BRINP3: variants seen among roughly 807,000 people sequenced by gnomAD.
BRINP3 encodes BMP/retinoic acid inducible neural specific 3.
In BRINP3, 19 loss-of-function variants were observed where a neutral mutation model predicts 71.0. The ratio of observed to expected loss-of-function variants is 0.27; its 90% CI spans 0.19 to 0.39. BRINP3 has a LOEUF of 0.39. Among genes scored for constraint, BRINP3 ranks in the 10% least tolerant of loss-of-function variants. The pLI is 1.00. For missense variants in BRINP3, 959 were observed against 940.8 expected, an observed-to-expected ratio of 1.02 and a Z score of -0.25; for synonymous variants, 380 against 337.7, an observed-to-expected ratio of 1.13 and a Z score of -1.37.
chr1:190,162,411 G>A (rs567959480), intron 6 of BRINP3, among the ~76,000 whole-genome samples: 1 of 151,944 alleles, frequency 6.6e-6, no homozygotes, highest in Non-Finnish European at 1.5e-5. Flanking sequence ...CCAAAGTGCT[G>A]GGATTACAGG....
chr1:190,445,550 A>G (rs560170455), intron 2 of BRINP3, among the ~76,000 whole-genome samples: 1 of 150,210 alleles, frequency 6.7e-6, no homozygotes, highest in Non-Finnish European at 1.5e-5. Flanking sequence ...ACGCATACAC[A>G]CACGCACGTG....
rs560805705 is a variant in BRINP3, at chr1:190,370,132, T to C, written c.236+84523A>G. On this transcript the variant is annotated intron_variant, in intron 2 of 7. Coordinates refer to ENST00000367462, the MANE Select transcript of BRINP3 (RefSeq NM_199051.3). The stretch of plus-strand genomic sequence containing the variant: ...TGATTCTAAATAGTTTTCATCCCCG[T>C]AACATTTTCACAATTGTCAAATTAA... Among the ~76,000 whole-genome samples, 24 of 152,264 alleles carry C rather than the reference T, an allele frequency of 1.6e-4. No individual in the cohort carries two copies. The South Asian group carries it at 5.0e-3, about 32-fold the overall frequency.
intron 2 of BRINP3, among the ~76,000 whole-genome samples, chr1:190,431,207 T>C (rs1032535241): frequency 6.6e-6 from 1 of 152,174 alleles, no homozygotes; most frequent in African/African-American, 2.4e-5. Flanking sequence ...ACATTTAGTA[T>C]GGCTATTGCT....
intron 6 of BRINP3, among the ~76,000 whole-genome samples, chr1:190,217,650 C>A (rs891611698): frequency 2.6e-5 from 4 of 152,096 alleles, no homozygotes; most frequent in African/African-American, 9.6e-5. Context: ...CAGCTAAATA[C>A]ATTTGACCAC....
chr1:190,183,474 C>T (rs761860233), intron 6 of BRINP3, among the ~76,000 whole-genome samples: 20 of 152,030 alleles, frequency 1.3e-4, no homozygotes, highest in Non-Finnish European at 2.9e-4. Flanking sequence ...GGCAGGTTAG[C>T]ATTGAAGTTT....
chr1:190,227,744 TTA>T (rs1657537065), intron 5 of BRINP3, among the ~76,000 whole-genome samples: 1 of 151,872 alleles, frequency 6.6e-6, no homozygotes, highest in East Asian at 1.9e-4. Context: ...AAAAGCTGGG[TTA>T]TATATTAATA....
intron 2 of BRINP3, among the ~76,000 whole-genome samples, chr1:190,323,331 C>A (rs1173284083): frequency 6.6e-6 from 1 of 151,750 alleles, no homozygotes; most frequent in Non-Finnish European, 1.5e-5. Flanking sequence ...TTTTCTCAGT[C>A]TCAAAAAATG....
intron 6 of BRINP3, among the ~76,000 whole-genome samples, chr1:190,201,689 C>T (rs781450466): frequency 6.6e-6 from 1 of 151,658 alleles, no homozygotes; most frequent in Non-Finnish European, 1.5e-5. Context: ...ATCCCAGCTG[C>T]TCCAGCCATG....
chr1:190,316,776 T>A (rs1665909549), intron 2 of BRINP3, among the ~76,000 whole-genome samples: 1 of 152,112 alleles, frequency 6.6e-6, no homozygotes, highest in Non-Finnish European at 1.5e-5. Flanking sequence ...TACATTAAAC[T>A]AGTTTTGAAT....
At chr1:190,159,487 G>A (rs1657157927) in intron 7 of BRINP3, among the ~76,000 whole-genome samples, 1 of 151,974 alleles carries the variant, frequency 6.6e-6, no homozygotes, top group Non-Finnish European at 1.5e-5. Flanking sequence ...AGTGATGAAC[G>A]AATAAACAAT....
intron 1 of BRINP3, among the ~76,000 whole-genome samples, chr1:190,472,473 T>C (rs1160307752): frequency 6.6e-6 from 1 of 151,720 alleles, no homozygotes; most frequent in Non-Finnish European, 1.5e-5. Context: ...AAAAACAATA[T>C]GTGTGCAAAA....
chr1:190,382,435 C>T (rs1670605484), intron 2 of BRINP3, among the ~76,000 whole-genome samples: 1 of 152,074 alleles, frequency 6.6e-6, no homozygotes, highest in Non-Finnish European at 1.5e-5. Flanking sequence ...TTAGCAAATT[C>T]ATACTTCAAC....
At chr1:190,101,040 C>A (rs1316952300) in intron 7 of BRINP3, among the ~76,000 whole-genome samples, 1 of 152,126 alleles carries the variant, frequency 6.6e-6, no homozygotes, top group Non-Finnish European at 1.5e-5. Flanking sequence ...CTTTGCTCTT[C>A]CACCATGAGA....
chr1:190,194,900 G>A (rs1222990726), intron 6 of BRINP3, among the ~76,000 whole-genome samples: 1 of 152,020 alleles, frequency 6.6e-6, no homozygotes, highest in Admixed American at 6.6e-5. Context: ...CAGATGGTTA[G>A]CATAAATAAT....
chr1:190,244,026 C>T (rs542128747), intron 4 of BRINP3, among the ~76,000 whole-genome samples: 1 of 151,940 alleles, frequency 6.6e-6, no homozygotes, highest in East Asian at 1.9e-4. Flanking sequence ...CTCAGGGATC[C>T]CACTAACTCC....
chr1:190,470,280 T>C (rs1007723858), intron 1 of BRINP3, among the ~76,000 whole-genome samples: 1 of 151,032 alleles, frequency 6.6e-6, no homozygotes, highest in Non-Finnish European at 1.5e-5. Context: ...TCACAATAAA[T>C]CTATAATGGA....
At chr1:190,285,732 T>C (rs1663372396) in intron 2 of BRINP3, among the ~76,000 whole-genome samples, 1 of 152,010 alleles carries the variant, frequency 6.6e-6, no homozygotes, top group Non-Finnish European at 1.5e-5. Context: ...TTGTTTTTTT[T>C]TTCCTTGTTT....
At chr1:190,460,778 T>C (rs1045743240) in intron 1 of BRINP3, among the ~76,000 whole-genome samples, 1 of 152,174 alleles carries the variant, frequency 6.6e-6, no homozygotes, top group Non-Finnish European at 1.5e-5. Context: ...CACTAAATGA[T>C]ACTTCCATCT....
chr1:190,378,033 A>G (rs1406056176), intron 2 of BRINP3, among the ~76,000 whole-genome samples: 1 of 152,140 alleles, frequency 6.6e-6, no homozygotes, highest in Admixed American at 6.6e-5. Context: ...TCCTAAAATT[A>G]ATATGGAATC....
Sources: gnomAD v4.1 joint callset for allele counts (sites outside exome capture counted in the v4.1 genomes callset) on GRCh38, gnomAD v4.1.1 for gene constraint, MANE v1.5 for transcripts, NCBI Gene and HGNC (gene_info 2026-07-23, HGNC 2026-07-21) for gene names.